The following RUNDC1 variants were observed in gnomAD, a reference collection of about 807,000 sequenced individuals.
The protein encoded by RUNDC1 is RUN domain containing 1, also known as RUN domain-containing protein 1.
A neutral mutation model predicts 49.3 loss-of-function variants in RUNDC1; 31 were observed. The ratio of observed to expected loss-of-function variants is 0.63; its 90% CI spans 0.47 to 0.85. RUNDC1 has a LOEUF of 0.85. Ranked by LOEUF, RUNDC1 falls within the 40% of genes least tolerant of loss-of-function variation. RUNDC1 has a pLI of 0.00. For missense variants in RUNDC1, 715 were observed against 806.7 expected (o/e 0.89, Z 1.38); for synonymous variants, 347 against 348.6 (o/e 1.00, Z 0.05).
intron 2 of RUNDC1, 56 bp from the exon 3 acceptor site, chr17:42,989,285 C>G: frequency 7.4e-7 from 1 of 1,346,668 alleles, no homozygotes; most frequent in Non-Finnish European, 1.1e-6. Flanking sequence ...ATTCTCCTTC[C>G]TAACCCTCTC....
intron 1 of RUNDC1, among the ~76,000 whole-genome samples, chr17:42,983,716 G>A (rs562987802): frequency 2.0e-4 from 31 of 151,400 alleles, no homozygotes; most frequent in Non-Finnish European, 4.1e-4. Context: ...CTGTCGCCCA[G>A]GCTGGAATGC....
intron 2 of RUNDC1, 72 bp downstream of exon 2, chr17:42,987,486 C>A: frequency 1.4e-6 from 2 of 1,429,304 alleles, no homozygotes; most frequent in Non-Finnish European, 2.0e-6. Flanking sequence ...CACAGGGCAT[C>A]CTCTCTCAGC....
intron 2 of RUNDC1, among the ~76,000 whole-genome samples, chr17:42,988,143 C>T (rs1210515717): frequency 6.6e-6 from 1 of 152,128 alleles, no homozygotes; most frequent in African/African-American, 2.4e-5. Flanking sequence ...TAGGTAAGAC[C>T]TGGGTAGACA....
At position 42,980,740 on chromosome 17, in the gene RUNDC1, C is replaced by A; in HGVS notation, c.164C>A (p.Ala55Glu). The A allele has an allele frequency of 6.5e-7, 1 of 1,526,770 alleles. No individual in the cohort carries two copies. 94.6% of individuals were successfully genotyped at this position (1,526,770 alleles called of 1,614,324 possible). ...AVAEARPGAT[A>E]FLEEATAEEP... is the part of the protein sequence containing the mutation. ...GCGGAGGCCCGGCCTGGGGCAACCG[C>A]GTTTTTAGAAGAGGCGACGGCCGAG... is the stretch of plus-strand genomic sequence containing the variant. The change falls in exon 1 of 5, where the codon GCG becomes GAG. Residue 55 changes from alanine (A) to glutamate (E), a missense_variant. Ala to Glu is a moderately radical substitution (Grantham distance 107, BLOSUM62 -1). This residue lies in a region of RUNDC1 where 153 missense variants were observed against 139.4 expected (regional missense o/e 1.10). Coordinates refer to ENST00000361677, the MANE Select transcript of RUNDC1 (RefSeq NM_173079.5).
In RUNDC1 at chr17:42,989,408, C is replaced by T. The variant is rs2050209259; in HGVS notation, c.725C>T (p.Thr242Ile). ...AATGAGGACATCAGTTCCCTGTCCA[C>T]TGAAGAGCTTCGTCAGCGTGTAGAT... ...NLNEDISSLS[T>I]EELRQRVDAA... The change falls in exon 3 of 5, where the codon ACT (threonine) becomes ATT (isoleucine). Residue 242 changes from threonine to isoleucine, a missense_variant. Thr to Ile is a moderately conservative substitution (Grantham distance 89, BLOSUM62 -1). Transcript: ENST00000361677. 2 of 1,613,974 alleles carry T rather than the reference C, an allele frequency of 1.2e-6. No individual in the cohort carries two copies. Among genetic ancestry groups the T allele is most frequent in the African/African-American group, 2.7e-5 (2 of 74,904 alleles).
In RUNDC1 at chr17:42,991,470, C is replaced by T. The variant is rs567119897; in HGVS notation, c.1596C>T (p.Arg532=). The T allele has an allele frequency of 1.2e-6, 2 of 1,614,196 alleles. No homozygotes were observed. The highest frequency in any genetic ancestry group is 1.3e-5 in the African/African-American group (1 of 75,038). Residue 532 remains arginine (R), a synonymous_variant, in exon 5 of 5, where the codon CGC becomes CGT. Transcript: ENST00000361677. ...TGACAGAGCATGACCCTTTTAAGCG[C>T]AGTGCAGACTCAGAATTGAAGGCCT... ...MVLTEHDPFK[R]SADSELKALV...
chr17:42,982,819 C>A (rs903364265), intron 1 of RUNDC1, among the ~76,000 whole-genome samples: 83 of 118,492 alleles, frequency 7.0e-4, no homozygotes, highest in Admixed American at 8.0e-4. Context: ...ACTAAAAATA[C>A]AAAAAAAAAA....
chr17:42,990,245 A>G, intron 3 of RUNDC1, 72 bp from the exon 4 acceptor site: 1 of 1,566,046 alleles, frequency 6.4e-7, no homozygotes, highest in South Asian at 1.2e-5. Flanking sequence ...GGCACCATTA[A>G]GTATTATTTT....
chr17:42,982,204 C>T (rs2050107255), intron 1 of RUNDC1, among the ~76,000 whole-genome samples: 2 of 152,052 alleles, frequency 1.3e-5, no homozygotes, highest in East Asian at 3.9e-4. Flanking sequence ...CCAGGCTGGT[C>T]TCGAACTCCT....
At position 42,981,041 on chromosome 17, in the gene RUNDC1, A is replaced by G; in HGVS notation, c.465A>G (p.Pro155=). The G allele has an allele frequency of 1.3e-6, 2 of 1,557,854 alleles. No homozygotes were observed. The highest frequency in any genetic ancestry group is 1.7e-6 in the Non-Finnish European group (2 of 1,159,376). Residue 155 remains proline (P), a synonymous_variant, in exon 1 of 5, where the codon CCA becomes CCG. Coordinates refer to ENST00000361677, the MANE Select transcript of RUNDC1 (RefSeq NM_173079.5). The stretch of plus-strand genomic sequence containing the variant: ...CCAGCGATGAGGGCGATGGGCTGCC[A>G]GGGGACCGGCCATGGTTGCGGGGCG... ...DPASDEGDGL[P]GDRPWLRGED... is the part of the protein sequence containing the mutation.
chr17:42,982,896 A>G (rs2050120975), intron 1 of RUNDC1, among the ~76,000 whole-genome samples: 1 of 151,372 alleles, frequency 6.6e-6, no homozygotes, highest in Non-Finnish European at 1.5e-5. Flanking sequence ...CTGAGGCAGG[A>G]GAATCGCTTG....
chr17:42,990,488 G>GT lies in RUNDC1; in HGVS notation c.976+53dup, dbSNP rs998643776. On this transcript the variant is annotated intron_variant, in intron 4 of 4. Coordinates refer to ENST00000361677, the MANE Select transcript of RUNDC1 (RefSeq NM_173079.5). The stretch of plus-strand genomic sequence containing the variant: ...ATCTCTAGAGACAGAAAGTAGATGA[G>GT]TGGTTGCCTAGGGCTTGGGTGTGTT... 1.9e-6 allele frequency: 3 copies of GT among 1,585,566 alleles called. No individual in the cohort carries two copies. In the African/African-American group the frequency reaches 4.0e-5, roughly 21 times the overall value.
At chr17:42,984,056 A>G (rs997922904) in intron 1 of RUNDC1, among the ~76,000 whole-genome samples, 6 of 147,348 alleles carry the variant, frequency 4.1e-5, no homozygotes, top group African/African-American at 1.3e-4. Context: ...TGCATCCTCA[A>G]CCTCCTGGGC....
Position 42,990,423 on chromosome 17 carries a change from A to G in RUNDC1, c.963A>G (p.Pro321=), listed in dbSNP as rs1411580245. The G allele has an allele frequency of 6.2e-6, 10 of 1,613,912 alleles. No individual in the cohort carries two copies. Among genetic ancestry groups the G allele is most frequent in the Admixed American group, 1.7e-5 (1 of 60,008 alleles). ...GAACAGGCAGCAGCAGAACGCCTCCAGGAAACAGCAAAAGTAAGTGCAGTT... is the reference window on the plus strand; with the variant it reads ...GAACAGGCAGCAGCAGAACGCCTCCGGGAAACAGCAAAAGTAAGTGCAGTT... The part of the protein sequence containing the change: ...CSRTGSSRTP[P]GNSKTKAEDV... The change falls in exon 4 of 5, where the codon CCA becomes CCG. Residue 321 remains proline (P), a synonymous_variant. Transcript: ENST00000361677.
At chr17:42,990,474 CAGAA>C in intron 4 of RUNDC1, 38 bp downstream of exon 4, 1 of 1,606,208 alleles carries the variant, frequency 6.2e-7, no homozygotes, top group Non-Finnish European at 8.5e-7. Context: ...TCTCTAGAGA[CAGAA>C]AGTAGATGAG....
intron 2 of RUNDC1, among the ~76,000 whole-genome samples, chr17:42,988,618 ATATT>A (rs984661105): frequency 6.6e-6 from 1 of 152,150 alleles, no homozygotes; most frequent in Non-Finnish European, 1.5e-5. Flanking sequence ...ATGCACCTTG[ATATT>A]TTATAGAGAT....
At position 42,989,582 on chromosome 17, in the gene RUNDC1, A is replaced by C. The variant is rs748502113; in HGVS notation, c.856+43A>C. ...GATGAGAAGGGTGGACAGGTGTCAT[A>C]ATAATTATACTTATTCTAAGTACTA... On this transcript the variant is annotated intron_variant, in intron 3 of 4. Transcript: ENST00000361677. The C allele has an allele frequency of 3.6e-5, 56 of 1,548,114 alleles. No homozygotes were observed. In the African/African-American group the frequency reaches 6.7e-4, roughly 18 times the overall value.
chr17:42,991,771 GTCTT>G lies in RUNDC1; in HGVS notation c.*56_*59del. On this transcript the variant is annotated 3_prime_UTR_variant, in exon 5 of 5. Transcript: ENST00000361677. ...TTGTTCAGTAGGGATAGATGTGCTA[GTCTT>G]CTAGCATAGGAGCAAGGAATCAGAG... 6.5e-7 allele frequency: 1 copy of G among 1,535,456 alleles called. No homozygotes were observed. Among genetic ancestry groups the G allele is most frequent in the Non-Finnish European group, 8.8e-7 (1 of 1,139,674 alleles).
At position 42,981,044 on chromosome 17, in the gene RUNDC1, G is replaced by T. The variant is rs999570905; in HGVS notation, c.468G>T (p.Gly156=). 6.4e-7 allele frequency: 1 copy of T among 1,558,820 alleles called. No homozygotes were observed. The highest frequency in any genetic ancestry group is 2.4e-5 in the East Asian group (1 of 41,418). Residue 156 remains glycine, a synonymous_variant, in exon 1 of 5, where the codon GGG becomes GGT. Transcript: ENST00000361677. ...PASDEGDGLP[G]DRPWLRGEDQ... ...GCGATGAGGGCGATGGGCTGCCAGGGGACCGGCCATGGTTGCGGGGCGAGG... is the reference window on the plus strand; with the variant it reads ...GCGATGAGGGCGATGGGCTGCCAGGTGACCGGCCATGGTTGCGGGGCGAGG...
Sources: allele counts gnomAD v4.1 joint callset (sites outside exome capture counted in the v4.1 genomes callset), GRCh38; gene constraint gnomAD v4.1.1; regional missense constraint gnomAD v4.1.1; transcripts MANE v1.5; gene names NCBI Gene and HGNC (gene_info 2026-07-23, HGNC 2026-07-21).